Variants in ADAMTS12 observed in about 807,000 individuals in gnomAD.
ADAMTS12 encodes the protein A disintegrin and metalloproteinase with thrombospondin motifs 12.
A neutral mutation model predicts 167.8 loss-of-function variants in ADAMTS12; 118 were observed. That is an observed-to-expected ratio of 0.70 (90% CI 0.61 to 0.82). The LOEUF is 0.82. Among genes scored for constraint, ADAMTS12 ranks in the 40% least tolerant of loss-of-function variants. The pLI is 0.00. For synonymous variants in ADAMTS12, 704 were observed against 716.9 expected (o/e 0.98, Z 0.29); for missense variants, 1,916 against 1,998.8 (o/e 0.96, Z 0.79).
chr5:33,543,337 C>T (rs1744801300), intron 22 of ADAMTS12, among the ~76,000 whole-genome samples: 1 of 152,038 alleles, frequency 6.6e-6, no homozygotes, highest in South Asian at 2.1e-4. Context: ...TCTGAATAGC[C>T]CAATAACAGA....
chr5:33,666,927 A>G (rs1377168351), intron 5 of ADAMTS12, among the ~76,000 whole-genome samples: 1 of 152,232 alleles, frequency 6.6e-6, no homozygotes, highest in Non-Finnish European at 1.5e-5. Context: ...TTTCATGCTT[A>G]GCACGTTATG....
At chr5:33,536,661 C>A (rs541000225) in intron 22 of ADAMTS12, among the ~76,000 whole-genome samples, 1 of 152,258 alleles carries the variant, frequency 6.6e-6, no homozygotes, top group South Asian at 2.1e-4. Flanking sequence ...TCTCATTATC[C>A]CTCCATTCTT....
chr5:33,850,340 G>A (rs1206841126), intron 2 of ADAMTS12, among the ~76,000 whole-genome samples: 1 of 152,148 alleles, frequency 6.6e-6, no homozygotes, highest in South Asian at 2.1e-4. Flanking sequence ...AGCTGGCCAC[G>A]GCGACCTCTG....
At chr5:33,828,523 A>G (rs1349366135) in intron 2 of ADAMTS12, among the ~76,000 whole-genome samples, 1 of 152,128 alleles carries the variant, frequency 6.6e-6, no homozygotes, top group Admixed American at 6.5e-5. Flanking sequence ...TCTGTGTTTT[A>G]TTTGGATCTT....
At chr5:33,619,586 A>G (rs941787640) in intron 14 of ADAMTS12, among the ~76,000 whole-genome samples, 10 of 152,178 alleles carry the variant, frequency 6.6e-5, no homozygotes, top group African/African-American at 2.4e-4. Flanking sequence ...CATACCTTAC[A>G]GGTATTAAAT....
In ADAMTS12 at chr5:33,792,699, G is replaced by A. The variant is rs545680190; in HGVS notation, c.490-41151C>T. On this transcript the variant is annotated intron_variant, in intron 2 of 23. Coordinates refer to ENST00000504830, the MANE Select transcript of ADAMTS12 (RefSeq NM_030955.4). ...CTTGGTTATCAGGCTGTTTCCATAG[G>A]CACAGAACAAAAACAAGAAGATAGT... is the stretch of plus-strand genomic sequence containing the variant. Among the ~76,000 whole-genome samples the A allele has an allele frequency of 2.0e-5, 3 of 152,224 alleles. No homozygotes were observed. In the South Asian group the frequency reaches 6.2e-4, roughly 32 times the overall value.
intron 22 of ADAMTS12, among the ~76,000 whole-genome samples, chr5:33,540,304 G>T (rs1471978298): frequency 2.0e-5 from 3 of 152,250 alleles, no homozygotes. Flanking sequence ...AAGTGGCCAG[G>T]AAGCTCGAAC....
chr5:33,850,096 T>C lies in ADAMTS12; in HGVS notation c.489+31023A>G, dbSNP rs537038724. Among the ~76,000 whole-genome samples the C allele has an allele frequency of 3.9e-5, 6 of 152,302 alleles. 1 individual carries two copies. The highest frequency in any genetic ancestry group is 1.4e-4 in the African/African-American group (6 of 41,554). On this transcript the variant is annotated intron_variant, in intron 2 of 23. Transcript: ENST00000504830. ...ATTCCTCTCACGGAGATTTTCACTCTCAATAGATGATCTGTTCTTACCATA... is the reference window on the plus strand; with the variant it reads ...ATTCCTCTCACGGAGATTTTCACTCCCAATAGATGATCTGTTCTTACCATA...
At chr5:33,790,883 T>C (rs1746538377) in intron 2 of ADAMTS12, among the ~76,000 whole-genome samples, 1 of 151,726 alleles carries the variant, frequency 6.6e-6, no homozygotes, top group African/African-American at 2.4e-5. Context: ...GAATACTGAA[T>C]AGGTGGTGCT....
intron 16 of ADAMTS12, among the ~76,000 whole-genome samples, chr5:33,613,329 C>G (rs1211048540): frequency 6.6e-6 from 1 of 152,244 alleles, no homozygotes; most frequent in African/African-American, 2.4e-5. Flanking sequence ...TCAGCAGGCC[C>G]TGACCCCTGC....
intron 23 of ADAMTS12, among the ~76,000 whole-genome samples, chr5:33,534,056 TG>T (rs911076652): frequency 5.0e-4 from 76 of 152,322 alleles, no homozygotes; most frequent in African/African-American, 1.7e-3. Flanking sequence ...AAACAATCAG[TG>T]GAATGGACAT....
intron 5 of ADAMTS12, among the ~76,000 whole-genome samples, chr5:33,663,904 T>A (rs1019268855): frequency 2.0e-5 from 3 of 152,208 alleles, no homozygotes; most frequent in Non-Finnish European, 4.4e-5. Flanking sequence ...GTATTACCAC[T>A]TATAATTGTT....
intron 3 of ADAMTS12, among the ~76,000 whole-genome samples, chr5:33,707,451 A>G (rs1743242478): frequency 6.6e-6 from 1 of 152,182 alleles, no homozygotes; most frequent in Non-Finnish European, 1.5e-5. Flanking sequence ...AGGAAAAACT[A>G]CTTTAAATTT....
intron 3 of ADAMTS12, among the ~76,000 whole-genome samples, chr5:33,715,990 C>G (rs1471393943): frequency 6.6e-6 from 1 of 152,082 alleles, no homozygotes; most frequent in Non-Finnish European, 1.5e-5. Flanking sequence ...TAGATGTTAA[C>G]TTTTAGAAAC....
intron 2 of ADAMTS12, among the ~76,000 whole-genome samples, chr5:33,777,789 C>CA (rs548345532): frequency 2.0e-5 from 3 of 149,118 alleles, no homozygotes; most frequent in African/African-American, 4.9e-5. Flanking sequence ...AAGACTCCAC[C>CA]AAAAAAAAAG....
chr5:33,855,968 A>T (rs1749387413), intron 2 of ADAMTS12, among the ~76,000 whole-genome samples: 1 of 152,096 alleles, frequency 6.6e-6, no homozygotes, highest in Non-Finnish European at 1.5e-5. Flanking sequence ...CTGGATTCAA[A>T]CAATCCTCCT....
At chr5:33,539,845 A>T (rs1158484056) in intron 22 of ADAMTS12, among the ~76,000 whole-genome samples, 1 of 152,156 alleles carries the variant, frequency 6.6e-6, no homozygotes, top group East Asian at 1.9e-4. Context: ...AGATGGCTGA[A>T]TAGGAAGAGC....
chr5:33,588,451 C>T (rs141518800), intron 18 of ADAMTS12, 148 bp downstream of exon 18: 18,662 of 924,270 alleles, frequency 0.02, 247 homozygotes, highest in Middle Eastern at 0.04. Flanking sequence ...GTAGTGGACA[C>T]AGGAAAGGCA....
At position 33,576,072 on chromosome 5, in the gene ADAMTS12, G is replaced by A. The variant is rs186724231; in HGVS notation, c.3954C>T (p.Ile1318=). ...GTCTTACCTCGCTCCAGTTTCCGAC[G>A]ATCCAGTGTGCAGAGCCGTGGCCGT... ...LTNGHGSAHW[I]VGNWSECSTT... The change falls in exon 19 of 24, where the codon ATC becomes ATT. Residue 1318 remains isoleucine (I), a synonymous_variant. Coordinates refer to ENST00000504830, the MANE Select transcript of ADAMTS12 (RefSeq NM_030955.4). 42 of 1,613,054 alleles carry A rather than the reference G, an allele frequency of 2.6e-5. No homozygotes were observed. The highest frequency in any genetic ancestry group is 1.7e-4 in the Middle Eastern group (1 of 6,054).
Sources: gnomAD v4.1 joint callset for allele counts (sites outside exome capture counted in the v4.1 genomes callset) on GRCh38, gnomAD v4.1.1 for gene constraint, MANE v1.5 for transcripts, NCBI Gene and HGNC (gene_info 2026-07-23, HGNC 2026-07-21) for gene names.